Variants in SUSD3 observed in about 807,000 individuals in gnomAD.
The protein encoded by SUSD3 is sushi domain-containing protein 3.
A neutral mutation model predicts 20.6 loss-of-function variants in SUSD3; 18 were observed. The observed-to-expected ratio is 0.87, with a 90% CI of 0.60 to 1.30. The LOEUF (loss-of-function observed/expected upper bound fraction) is 1.30, where lower values mean the gene tolerates loss of function less well. Ranked by LOEUF, SUSD3 falls within the 50% of genes most tolerant of loss-of-function variation. The pLI, the probability that SUSD3 is intolerant of heterozygous loss-of-function variation, is 0.00. For synonymous variants in SUSD3, 137 were observed against 141.5 expected, an observed-to-expected ratio of 0.97 and a Z score of 0.23; for missense variants, 306 against 346.9, an observed-to-expected ratio of 0.88 and a Z score of 0.94.
intron 1 of SUSD3, among the ~76,000 whole-genome samples, chr9:93,061,064 G>A (rs1222030188): frequency 6.6e-6 from 1 of 152,206 alleles, no homozygotes; most frequent in Non-Finnish European, 1.5e-5. Context: ...AGTTTATCAT[G>A]TTTGTTGTAT....
At chr9:93,074,783 T>G (rs1165582718) in intron 1 of SUSD3, among the ~76,000 whole-genome samples, 2 of 151,738 alleles carry the variant, frequency 1.3e-5, no homozygotes, top group Non-Finnish European at 2.9e-5. Context: ...CCCAGCTAAT[T>G]TTTGTATTTT....
At chr9:93,064,882 T>G (rs1286676549) in intron 1 of SUSD3, among the ~76,000 whole-genome samples, 1 of 152,174 alleles carries the variant, frequency 6.6e-6, no homozygotes, top group East Asian at 1.9e-4. Context: ...CAAACCCAGG[T>G]CCTCTGGCTC....
chr9:93,075,754 G>A (rs147788846), intron 1 of SUSD3, 30 bp from the exon 2 acceptor site: 14,825 of 229,150 alleles, frequency 0.065, 471 homozygotes, highest in East Asian at 0.19. Flanking sequence ...CCCCCCCCCC[G>A]CCATGCCTCA....
At chr9:93,078,553 C>T (rs1311549693) in intron 3 of SUSD3, among the ~76,000 whole-genome samples, 1 of 152,056 alleles carries the variant, frequency 6.6e-6, no homozygotes, top group Admixed American at 6.5e-5. Context: ...TGAGCCACCG[C>T]GCCCGGCCCG....
chr9:93,073,278 G>T (rs367553005), intron 1 of SUSD3, among the ~76,000 whole-genome samples: 1 of 134,692 alleles, frequency 7.4e-6, no homozygotes, highest in Non-Finnish European at 1.5e-5. Flanking sequence ...ACGGAGTCTC[G>T]CTCTGTCGCC....
chr9:93,078,939 A>C (rs1369133783), intron 3 of SUSD3, among the ~76,000 whole-genome samples: 1 of 151,908 alleles, frequency 6.6e-6, no homozygotes. Context: ...AGCTGGGACT[A>C]CAAGCGCCCG....
chr9:93,076,845 T>G (rs1826186944), intron 2 of SUSD3, among the ~76,000 whole-genome samples: 1 of 152,234 alleles, frequency 6.6e-6, no homozygotes, highest in African/African-American at 2.4e-5. Context: ...GGGCATGGCC[T>G]CAGCCTCATG....
At chr9:93,069,041 C>T (rs1825820773) in intron 1 of SUSD3, 2 of 697,282 alleles carry the variant, frequency 2.9e-6, no homozygotes, top group Admixed American at 2.0e-5. Flanking sequence ...ATAGACGGTA[C>T]TCACCCTTCT....
chr9:93,074,421 G>A (rs1401540785), intron 1 of SUSD3, among the ~76,000 whole-genome samples: 2 of 107,832 alleles, frequency 1.9e-5, no homozygotes, highest in African/African-American at 7.7e-5. Flanking sequence ...GACAGGGCAA[G>A]ACTCTGACTC....
chr9:93,081,919 T>G (rs1826431196), intron 4 of SUSD3, among the ~76,000 whole-genome samples: 1 of 152,204 alleles, frequency 6.6e-6, no homozygotes, highest in South Asian at 2.1e-4. Flanking sequence ...CTGTTTTTCT[T>G]TTTCAAGACC....
intron 1 of SUSD3, among the ~76,000 whole-genome samples, chr9:93,062,299 G>T (rs1342060681): frequency 7.2e-5 from 11 of 152,328 alleles, no homozygotes; most frequent in African/African-American, 2.6e-4. Flanking sequence ...GGCCTCGTGT[G>T]TTTTTATTTT....
chr9:93,070,278 C>A (rs1825862874), intron 1 of SUSD3, among the ~76,000 whole-genome samples: 1 of 152,188 alleles, frequency 6.6e-6, no homozygotes, highest in African/African-American at 2.4e-5. Flanking sequence ...GTGAATCCAC[C>A]TCTCTGAGCC....
At chr9:93,059,748 CTGGCAGGAAGG>C (rs2118892634) in intron 1 of SUSD3, among the ~76,000 whole-genome samples, 1 of 152,322 alleles carries the variant, frequency 6.6e-6, no homozygotes, top group African/African-American at 2.4e-5. Context: ...CCCCAGGGAA[CTGGCAGGAAGG>C]TGGCAGGAGA....
At chr9:93,060,958 A>G (rs995253401) in intron 1 of SUSD3, among the ~76,000 whole-genome samples, 7 of 152,210 alleles carry the variant, frequency 4.6e-5, no homozygotes, top group African/African-American at 1.7e-4. Flanking sequence ...GTGTGGACAG[A>G]CTGATCTTCC....
chr9:93,070,397 A>T (rs1825866967), intron 1 of SUSD3, among the ~76,000 whole-genome samples: 1 of 152,216 alleles, frequency 6.6e-6, no homozygotes, highest in South Asian at 2.1e-4. Context: ...GGATCCATAG[A>T]CAGGGAGCAG....
chr9:93,060,281 C>A (rs972271973), intron 1 of SUSD3, among the ~76,000 whole-genome samples: 2 of 152,094 alleles, frequency 1.3e-5, no homozygotes, highest in African/African-American at 4.8e-5. Context: ...TAGGATCCCC[C>A]CTGTGACCTG....
intron 1 of SUSD3, among the ~76,000 whole-genome samples, chr9:93,063,112 C>A (rs561839256): frequency 2.0e-4 from 30 of 152,238 alleles, no homozygotes; most frequent in Middle Eastern, 3.4e-3. Context: ...TCCTGGCCTC[C>A]CAGGCTCAGG....
rs879105416 is a variant in SUSD3, at chr9:93,084,639, A to G, written c.660A>G (p.Ser220=). ...RALSLSGSSS[S]PQAQVMVHMA... Reference sequence around the variant, plus strand: ...TAAGCCTCAGTGGCTCCTCCAGCTCACCCCAAGCCCAGGTGATGGTGCACA... The same window carrying G: ...TAAGCCTCAGTGGCTCCTCCAGCTCGCCCCAAGCCCAGGTGATGGTGCACA... The change falls in exon 5 of 5, where the codon TCA becomes TCG. Residue 220 remains serine (S), a synonymous_variant. Coordinates refer to ENST00000375472, the MANE Select transcript of SUSD3 (RefSeq NM_145006.4). The G allele has an allele frequency of 6.2e-7, 1 of 1,608,964 alleles. No homozygotes were observed. The highest frequency in any genetic ancestry group is 1.1e-5 in the South Asian group (1 of 89,964).
At chr9:93,061,891 A>T (rs1442150796) in intron 1 of SUSD3, among the ~76,000 whole-genome samples, 2 of 151,830 alleles carry the variant, frequency 1.3e-5, no homozygotes, top group African/African-American at 4.8e-5. Flanking sequence ...TGCCTCTGTC[A>T]CTCTCTCCCA....
Sources: gnomAD v4.1 joint callset for allele counts (sites outside exome capture counted in the v4.1 genomes callset) on GRCh38, gnomAD v4.1.1 for gene constraint, MANE v1.5 for transcripts, NCBI Gene and HGNC (gene_info 2026-07-23, HGNC 2026-07-21) for gene names.